AKAP7: variants seen among roughly 807,000 people sequenced by gnomAD.
The protein encoded by AKAP7 is A-kinase anchoring protein 7.
In AKAP7, 39 loss-of-function variants were observed where a neutral mutation model predicts 39.5. The observed-to-expected ratio is 0.99, with a 90% CI of 0.76 to 1.29. The LOEUF is 1.29. AKAP7 is among the 50% of genes most tolerant of loss of function. The pLI is 0.00. For synonymous variants in AKAP7, 140 were observed against 139.1 expected, an observed-to-expected ratio of 1.01 and a Z score of -0.05; for missense variants, 414 against 407.7, an observed-to-expected ratio of 1.02 and a Z score of -0.13.
At chr6:131,242,298 A>G in intron 7 of AKAP7, 5 of 678,968 alleles carry the variant, frequency 7.4e-6, no homozygotes, top group Non-Finnish European at 9.1e-6. Context: ...ATTGCTAACA[A>G]CTTGGATCAT....
intron 2 of AKAP7, among the ~76,000 whole-genome samples, chr6:131,155,980 A>T (rs1802382703): frequency 6.6e-6 from 1 of 152,238 alleles, no homozygotes; most frequent in Non-Finnish European, 1.5e-5. Context: ...TTAAGTTCTC[A>T]GATAAACCTA....
intron 7 of AKAP7, among the ~76,000 whole-genome samples, chr6:131,262,852 A>G (rs1813464724): frequency 6.6e-6 from 1 of 152,234 alleles, no homozygotes; most frequent in East Asian, 1.9e-4. Context: ...CATATTAATG[A>G]TATCCACTGT....
At chr6:131,257,746 G>C (rs1057153484) in intron 7 of AKAP7, among the ~76,000 whole-genome samples, 1 of 152,136 alleles carries the variant, frequency 6.6e-6, no homozygotes. Context: ...TCTGAGAATG[G>C]AGCCAGCACA....
the AKAP7 span, among the ~76,000 whole-genome samples, chr6:131,129,015 G>C: frequency 6.6e-6 from 1 of 151,890 alleles, no homozygotes; most frequent in Admixed American, 6.6e-5. Context: ...AGCTGGGTGC[G>C]GTGGCTCACG....
In AKAP7 at chr6:131,169,052, AT is replaced by A. The variant is rs200279179; in HGVS notation, c.429-58del. ...TTCTAAAACTGGTACTTTGTATCTT[AT>A]TTGGTTTTGTATATTTTATTACTTA... On this transcript the variant is annotated intron_variant, in intron 4 of 7. Transcript: ENST00000431975. The A allele has an allele frequency of 1.8e-3, 2,528 of 1,393,420 alleles. 44 individuals carry two copies. The African/African-American group carries it at 0.033, about 18-fold the overall frequency. The allele number at this position is 1,393,420 out of a possible 1,614,324, so 86.3% of individuals were successfully genotyped here.
Position 131,216,747 on chromosome 6 carries a change from C to T in AKAP7, c.703-2914C>T, listed in dbSNP as rs138088822. ...CCTCCTATTTTCTCTTCTAATGTTA[C>T]GTTGCATAATTGAAATGTCACTTAT... On this transcript the variant is annotated intron_variant, in intron 6 of 7. Transcript: ENST00000431975. 1.1e-4 allele frequency among the ~76,000 whole-genome samples: 17 copies of T among 152,230 alleles called. No homozygotes were observed. The East Asian group carries it at 2.5e-3, about 22-fold the overall frequency.
chr6:131,199,650 A>AGCAATGTCAC, intron 6 of AKAP7, 77 bp downstream of exon 6: 1 of 1,166,656 alleles, frequency 8.6e-7, no homozygotes, highest in Non-Finnish European at 1.3e-6. Context: ...CACGAGTGAC[A>AGCAATGTCAC]TTGCTGTGGT....
At chr6:131,202,419 A>C (rs1161972001) in intron 6 of AKAP7, among the ~76,000 whole-genome samples, 2 of 150,010 alleles carry the variant, frequency 1.3e-5, no homozygotes, top group South Asian at 4.3e-4. Flanking sequence ...ACCATGGAAT[A>C]CTATGCAGCC....
chr6:131,126,992 G>C, the AKAP7 span, among the ~76,000 whole-genome samples: 2 of 152,094 alleles, frequency 1.3e-5, no homozygotes. Flanking sequence ...AGACAGGGCA[G>C]GTAGATTTGT....
chr6:131,179,685 T>C (rs1804942878), intron 5 of AKAP7, among the ~76,000 whole-genome samples: 3 of 152,022 alleles, frequency 2.0e-5, no homozygotes, highest in African/African-American at 7.2e-5. Context: ...CTAGGCAACA[T>C]AGTGAGACTT....
At chr6:131,254,147 AAGT>A (rs1812668557) in intron 7 of AKAP7, among the ~76,000 whole-genome samples, 1 of 152,220 alleles carries the variant, frequency 6.6e-6, no homozygotes. Flanking sequence ...TCACCACAGT[AAGT>A]AGAATACACT....
chr6:131,164,594 G>T, intron 3 of AKAP7: 1 of 348,900 alleles, frequency 2.9e-6, no homozygotes, highest in African/African-American at 2.1e-5. Context: ...AAATCTTAAA[G>T]GCCATGAGGA....
intron 5 of AKAP7, among the ~76,000 whole-genome samples, chr6:131,170,335 T>C (rs1245106064): frequency 6.7e-6 from 1 of 149,552 alleles, no homozygotes; most frequent in Non-Finnish European, 1.5e-5. Flanking sequence ...CAATCATCTA[T>C]AGGAATGAAT....
intron 5 of AKAP7, among the ~76,000 whole-genome samples, chr6:131,174,187 A>G (rs1020491712): frequency 1.3e-5 from 2 of 152,194 alleles, no homozygotes; most frequent in African/African-American, 4.8e-5. Flanking sequence ...TTAATCTTTT[A>G]TGTGTGTATT....
At position 131,217,911 on chromosome 6, in the gene AKAP7, A is replaced by G. The variant is rs1422757875; in HGVS notation, c.703-1750A>G. 2.0e-5 allele frequency among the ~76,000 whole-genome samples: 3 copies of G among 151,732 alleles called. No individual in the cohort carries two copies. The South Asian group carries it at 6.2e-4, about 32-fold the overall frequency. On this transcript the variant is annotated intron_variant, in intron 6 of 7. Transcript: ENST00000431975. ...GACTTTCTCCAACCTGCACACCCCT[A>G]CACACACACACAAGCATTTAGAAGA...
chr6:131,250,097 T>G (rs1812316436), intron 7 of AKAP7: 2 of 874,294 alleles, frequency 2.3e-6, no homozygotes, highest in South Asian at 5.2e-5. Flanking sequence ...AAAAGAAGGC[T>G]CTTCCTCTTT....
At chr6:131,272,704 A>G (rs1021554907) in intron 7 of AKAP7, among the ~76,000 whole-genome samples, 3 of 152,206 alleles carry the variant, frequency 2.0e-5, no homozygotes, top group Admixed American at 6.5e-5. Flanking sequence ...TCCATTGTGG[A>G]ACAAAAACAT....
chr6:131,159,307 A>C (rs1031749157), intron 2 of AKAP7, among the ~76,000 whole-genome samples: 11 of 151,850 alleles, frequency 7.2e-5, no homozygotes, highest in African/African-American at 2.4e-4. Context: ...GTTAGCCAGG[A>C]TGGTCTTGAT....
chr6:131,137,912 G>A (rs1800706286), intron 1 of AKAP7, among the ~76,000 whole-genome samples: 1 of 152,150 alleles, frequency 6.6e-6, no homozygotes, highest in Non-Finnish European at 1.5e-5. Flanking sequence ...CCACATAATT[G>A]TAAATCATAG....
Sources: allele counts gnomAD v4.1 joint callset (sites outside exome capture counted in the v4.1 genomes callset), GRCh38; gene constraint gnomAD v4.1.1; transcripts MANE v1.5; gene names NCBI Gene and HGNC (gene_info 2026-07-23, HGNC 2026-07-21).